TSHZ3: variants seen among roughly 807,000 people sequenced by gnomAD.
The protein encoded by TSHZ3 is teashirt homolog 3.
In TSHZ3, 10 loss-of-function variants were observed where a neutral mutation model predicts 64.5. That is an observed-to-expected ratio of 0.16 (90% confidence interval 0.10 to 0.26). The LOEUF (loss-of-function observed/expected upper bound fraction) is 0.26, where lower values mean the gene tolerates loss of function less well. TSHZ3 is among the 10% of genes least tolerant of loss of function. The probability of loss-of-function intolerance (pLI) is 1.00; values close to 1 mark genes in which losing one functional copy is unlikely to be tolerated. For synonymous variants in TSHZ3, 608 were observed against 593.1 expected (o/e 1.03, Z -0.36); for missense variants, 1,242 against 1,421.7 (o/e 0.87, Z 2.03).
intron 3 of TSHZ3, among the ~76,000 whole-genome samples, chr19:31,230,935 C>T (rs1420219513): frequency 1.3e-5 from 2 of 151,712 alleles, no homozygotes; most frequent in Non-Finnish European, 2.9e-5. Context: ...ATCTCCTGAC[C>T]TCGTGATCCT....
intron 3 of TSHZ3, among the ~76,000 whole-genome samples, chr19:31,229,029 G>T (rs2145174238): frequency 6.6e-6 from 1 of 152,282 alleles, no homozygotes; most frequent in East Asian, 1.9e-4. Flanking sequence ...TGACCCAGTG[G>T]TTTTAGAAGG....
intron 1 of TSHZ3, among the ~76,000 whole-genome samples, chr19:31,286,995 A>G (rs924687383): frequency 2.0e-5 from 3 of 152,250 alleles, no homozygotes; most frequent in African/African-American, 7.2e-5. Flanking sequence ...TCATATAAAT[A>G]TAAAACAGTA....
intron 1 of TSHZ3, among the ~76,000 whole-genome samples, chr19:31,289,791 C>T (rs2145128131): frequency 6.6e-6 from 1 of 152,316 alleles, no homozygotes; most frequent in East Asian, 1.9e-4. Context: ...TGAGCCCAGA[C>T]CCCATGTCCG....
intron 4 of TSHZ3, among the ~76,000 whole-genome samples, chr19:31,218,736 C>T (rs1378458718): frequency 1.3e-5 from 2 of 152,166 alleles, no homozygotes; most frequent in Non-Finnish European, 2.9e-5. Context: ...AATGAGCTAT[C>T]AGCCATAAAA....
chr19:31,296,555 T>TA (rs1976665997), intron 1 of TSHZ3, among the ~76,000 whole-genome samples: 1 of 152,072 alleles, frequency 6.6e-6, no homozygotes, highest in East Asian at 1.9e-4. Context: ...AGGCTGGTCT[T>TA]AAACTCCTGA....
At chr19:31,213,940 G>A (rs1334917984) in intron 4 of TSHZ3, among the ~76,000 whole-genome samples, 1 of 152,174 alleles carries the variant, frequency 6.6e-6, no homozygotes, top group African/African-American at 2.4e-5. Context: ...GACAATTTAG[G>A]GGGATTTTAT....
At chr19:31,226,027 T>G (rs981024136) in intron 4 of TSHZ3, among the ~76,000 whole-genome samples, 1 of 151,600 alleles carries the variant, frequency 6.6e-6, no homozygotes, top group Admixed American at 6.6e-5. Flanking sequence ...CTTGGGAAGC[T>G]GAGGCAGGAG....
chr19:31,338,666 T>C (rs1481037436), intron 1 of TSHZ3, among the ~76,000 whole-genome samples: 1 of 151,346 alleles, frequency 6.6e-6, no homozygotes, highest in Non-Finnish European at 1.5e-5. Context: ...TCTGTTTATA[T>C]TTTAATGTTT....
intron 1 of TSHZ3, among the ~76,000 whole-genome samples, chr19:31,243,542 G>C (rs1975723694): frequency 6.6e-6 from 1 of 152,104 alleles, no homozygotes; most frequent in Non-Finnish European, 1.5e-5. Context: ...AGGGAGGTGA[G>C]CCCGGCAGGC....
At chr19:31,193,181 C>T (rs1421322168) in intron 5 of TSHZ3, among the ~76,000 whole-genome samples, 1 of 152,112 alleles carries the variant, frequency 6.6e-6, no homozygotes, top group Non-Finnish European at 1.5e-5. Flanking sequence ...TTTCATGACT[C>T]CAAGTCTGTA....
At chr19:31,295,930 T>A (rs184863908) in intron 1 of TSHZ3, among the ~76,000 whole-genome samples, 2 of 145,032 alleles carry the variant, frequency 1.4e-5, no homozygotes, top group African/African-American at 5.2e-5. Context: ...TGCCCCTCGC[T>A]TTCCCCCACT....
At chr19:31,209,569 G>A (rs1975233818) in intron 4 of TSHZ3, among the ~76,000 whole-genome samples, 1 of 152,194 alleles carries the variant, frequency 6.6e-6, no homozygotes, top group Non-Finnish European at 1.5e-5. Flanking sequence ...CCAGAGCCAG[G>A]CACTGAGAAG....
Position 31,269,396 on chromosome 19 carries a change from T to G in TSHZ3, n.64-26521A>C, listed in dbSNP as rs529343125. On this transcript the variant is annotated intron_variant and non_coding_transcript_variant, in intron 1 of 6. Coordinates refer to the TSHZ3 transcript ENST00000651361. ...AGTCCGGCGACCGTACCTCCATTTTTTTTAAGCTAAGAAAATGACTCCTTC... is the reference window on the plus strand; with the variant it reads ...AGTCCGGCGACCGTACCTCCATTTTGTTTAAGCTAAGAAAATGACTCCTTC... Among the ~76,000 whole-genome samples the G allele has an allele frequency of 7.2e-5, 11 of 152,264 alleles. No homozygotes were observed. In the South Asian group the frequency reaches 2.3e-3, roughly 32 times the overall value.
At chr19:31,245,055 T>TTC (rs1400485734) in intron 1 of TSHZ3, among the ~76,000 whole-genome samples, 23 of 152,250 alleles carry the variant, frequency 1.5e-4, no homozygotes, top group Non-Finnish European at 3.1e-4. Context: ...TAGGAAAATA[T>TTC]TCACAGTGTT....
intron 3 of TSHZ3, among the ~76,000 whole-genome samples, chr19:31,231,459 T>C (rs1408695405): frequency 1.3e-5 from 2 of 152,234 alleles, no homozygotes; most frequent in Non-Finnish European, 2.9e-5. Context: ...CCTCGTATTA[T>C]GTAGCCTGAC....
chr19:31,327,647 C>T (rs986099277), intron 1 of TSHZ3, among the ~76,000 whole-genome samples: 3 of 152,052 alleles, frequency 2.0e-5, no homozygotes, highest in African/African-American at 7.3e-5. Context: ...TATGTACACA[C>T]AATACACGTA....
At chr19:31,251,173 C>T (rs373533932) in intron 1 of TSHZ3, among the ~76,000 whole-genome samples, 3 of 152,130 alleles carry the variant, frequency 2.0e-5, no homozygotes, top group Admixed American at 1.3e-4. Flanking sequence ...GCAGTAGGGG[C>T]CTCTTCCTGA....
At chr19:31,315,073 A>G (rs541734457) in intron 1 of TSHZ3, among the ~76,000 whole-genome samples, 1 of 152,348 alleles carries the variant, frequency 6.6e-6, no homozygotes, top group African/African-American at 2.4e-5. Context: ...GCACAGATCA[A>G]GGGAAGAAAG....
intron 1 of TSHZ3, among the ~76,000 whole-genome samples, chr19:31,341,758 A>AC (rs1917446817): frequency 6.6e-6 from 1 of 151,466 alleles, no homozygotes; most frequent in Non-Finnish European, 1.5e-5. Flanking sequence ...CTGGCTCCTC[A>AC]CTCACTCCTA....
Sources: allele counts gnomAD v4.1 joint callset (sites outside exome capture counted in the v4.1 genomes callset), GRCh38; gene constraint gnomAD v4.1.1; transcripts MANE v1.5; gene names NCBI Gene and HGNC (gene_info 2026-07-23, HGNC 2026-07-21).